SDK1: variants seen among roughly 807,000 people sequenced by gnomAD.
SDK1 encodes the protein sidekick cell adhesion molecule 1.
In SDK1, 157 loss-of-function variants were observed where a neutral mutation model predicts 245.5. The observed-to-expected ratio is 0.64, with a 90% CI of 0.56 to 0.73. SDK1 has a LOEUF of 0.73. Among genes scored for constraint, SDK1 ranks in the 30% least tolerant of loss-of-function variants. The probability of loss-of-function intolerance (pLI) is 0.00; values close to 1 mark genes in which losing one functional copy is unlikely to be tolerated. For synonymous variants in SDK1, 1,647 were observed against 1,278.5 expected (o/e 1.29, Z -6.15); for missense variants, 3,583 against 3,002.3 (o/e 1.19, Z -4.52).
At chr7:3,987,068 T>A in intron 13 of SDK1, 118 bp from the exon 14 acceptor site, 1 of 976,988 alleles carries the variant, frequency 1.0e-6, no homozygotes, top group South Asian at 1.6e-5. Flanking sequence ...TGGGCATATT[T>A]TATGTTATTC....
chr7:4,260,776 G>A (rs976241709), intron 44 of SDK1, among the ~76,000 whole-genome samples: 1 of 149,586 alleles, frequency 6.7e-6, no homozygotes, highest in Admixed American at 6.7e-5. Context: ...GGGTCTCTGT[G>A]TGTGTGGGAA....
chr7:4,060,707 G>A (rs1236607926), intron 19 of SDK1, among the ~76,000 whole-genome samples: 2 of 152,048 alleles, frequency 1.3e-5, no homozygotes, highest in South Asian at 2.1e-4. Context: ...TAGACATGAA[G>A]TCCTTGCCCA....
At chr7:3,440,588 A>T (rs143682582) in intron 1 of SDK1, among the ~76,000 whole-genome samples, 1 of 152,174 alleles carries the variant, frequency 6.6e-6, no homozygotes, top group Admixed American at 6.5e-5. Flanking sequence ...AATAATGACC[A>T]CAAAGTATAG....
At chr7:3,878,059 C>A (rs1246997325) in intron 5 of SDK1, among the ~76,000 whole-genome samples, 1 of 152,216 alleles carries the variant, frequency 6.6e-6, no homozygotes, top group Admixed American at 6.5e-5. Context: ...GTTGTACATA[C>A]TCCCATTAAA....
rs569667360 is a variant in SDK1, at chr7:3,319,015, G to A, written c.298+17131G>A. Reference sequence around the variant, plus strand: ...GTGTGGGCCTATCTGGGGGTGGCCTGAGGAAGGACATTCATGAGGGGGGAG... The same window carrying A: ...GTGTGGGCCTATCTGGGGGTGGCCTAAGGAAGGACATTCATGAGGGGGGAG... On this transcript the variant is annotated intron_variant, in intron 1 of 44. Coordinates refer to ENST00000404826, the MANE Select transcript of SDK1 (RefSeq NM_152744.4). Among the ~76,000 whole-genome samples, 43 of 152,066 alleles carry A rather than the reference G, an allele frequency of 2.8e-4. No individual in the cohort carries two copies. The South Asian group carries it at 9.0e-3, about 32-fold the overall frequency.
chr7:3,849,707 A>C (rs1352391602), intron 5 of SDK1, among the ~76,000 whole-genome samples: 2 of 152,168 alleles, frequency 1.3e-5, no homozygotes, highest in East Asian at 3.9e-4. Context: ...AATAGATTGG[A>C]ATGTTGCTGA....
intron 1 of SDK1, among the ~76,000 whole-genome samples, chr7:3,525,811 A>T (rs550231248): frequency 1.3e-5 from 2 of 152,240 alleles, no homozygotes; most frequent in Non-Finnish European, 2.9e-5. Flanking sequence ...GAGAAATAAA[A>T]AAATATCAAT....
At chr7:3,381,344 A>G (rs971614200) in intron 1 of SDK1, among the ~76,000 whole-genome samples, 43 of 152,144 alleles carry the variant, frequency 2.8e-4, no homozygotes, top group African/African-American at 8.4e-4. Flanking sequence ...GAACTGAGAC[A>G]TGAACTTGAG....
chr7:4,039,101 A>G (rs1252102908), intron 17 of SDK1, among the ~76,000 whole-genome samples: 1 of 149,378 alleles, frequency 6.7e-6, no homozygotes, highest in South Asian at 2.1e-4. Context: ...GAATTGAACA[A>G]TGAGAACACA....
At chr7:3,765,313 A>G (rs1049838783) in intron 4 of SDK1, among the ~76,000 whole-genome samples, 1 of 152,220 alleles carries the variant, frequency 6.6e-6, no homozygotes, top group African/African-American at 2.4e-5. Flanking sequence ...ATTTTAAAAT[A>G]TATGCCCATG....
chr7:3,562,095 T>C (rs369253812), intron 1 of SDK1, among the ~76,000 whole-genome samples: 16 of 152,356 alleles, frequency 1.1e-4, no homozygotes, highest in Admixed American at 4.6e-4. Flanking sequence ...GCCTTGTCTC[T>C]ACAATGTGTT....
chr7:3,518,988 A>G (rs1782841029), intron 1 of SDK1, among the ~76,000 whole-genome samples: 1 of 152,100 alleles, frequency 6.6e-6, no homozygotes, highest in Non-Finnish European at 1.5e-5. Flanking sequence ...AAGTCCTGTC[A>G]TTTGAGACAA....
At chr7:4,044,102 C>A (rs576464766) in intron 17 of SDK1, among the ~76,000 whole-genome samples, 17 of 152,290 alleles carry the variant, frequency 1.1e-4, no homozygotes, top group Middle Eastern at 3.4e-3. Context: ...CATGATTTTG[C>A]GGGTCAGGAG....
intron 40 of SDK1, among the ~76,000 whole-genome samples, chr7:4,232,135 C>T (rs1353375729): frequency 6.7e-6 from 1 of 150,148 alleles, no homozygotes; most frequent in East Asian, 2.0e-4. Flanking sequence ...GAGGCACTGT[C>T]CTAAGCACTT....
chr7:4,227,495 T>G (rs1785512525), intron 40 of SDK1: 1 of 466,810 alleles, frequency 2.1e-6, no homozygotes, highest in Non-Finnish European at 4.4e-6. Context: ...GTAAAATTTC[T>G]AACCTGGATT....
At position 3,392,968 on chromosome 7, in the gene SDK1, T is replaced by A. The variant is rs544405477; in HGVS notation, c.298+91084T>A. ...TTTGAGTCCCTGTTTTAAATTTTTT[T>A]TTTTTTTTTTTTCTTTTTTGAGATG... is the stretch of plus-strand genomic sequence containing the variant. On this transcript the variant is annotated intron_variant, in intron 1 of 44. Transcript: ENST00000404826. 8.2e-5 allele frequency among the ~76,000 whole-genome samples: 11 copies of A among 134,060 alleles called. No individual in the cohort carries two copies. The South Asian group carries it at 2.5e-3, about 31-fold the overall frequency. The allele number at this position is 134,060 out of a possible 152,430, so 87.9% of individuals were successfully genotyped here. A position where few individuals can be genotyped will look rare whatever the true frequency, so the allele number is the denominator to read the frequency against.
chr7:3,982,699 G>A (rs1261569375), intron 13 of SDK1, among the ~76,000 whole-genome samples: 1 of 152,126 alleles, frequency 6.6e-6, no homozygotes, highest in Non-Finnish European at 1.5e-5. Context: ...AATTAGCCGG[G>A]CTTGGTGGCG....
At chr7:3,767,142 AGAG>A (rs1780277442) in intron 4 of SDK1, among the ~76,000 whole-genome samples, 2 of 152,154 alleles carry the variant, frequency 1.3e-5, no homozygotes, top group South Asian at 4.1e-4. Context: ...TAAGGCATCT[AGAG>A]GAGAAGGCAG....
At chr7:3,637,955 A>G (rs1159545742) in intron 2 of SDK1, among the ~76,000 whole-genome samples, 2 of 152,232 alleles carry the variant, frequency 1.3e-5, no homozygotes, top group Non-Finnish European at 2.9e-5. Context: ...GTGGAGTGAC[A>G]CAAGACATCG....
Sources: gnomAD v4.1 joint callset for allele counts (sites outside exome capture counted in the v4.1 genomes callset) on GRCh38, gnomAD v4.1.1 for gene constraint, MANE v1.5 for transcripts, NCBI Gene and HGNC (gene_info 2026-07-23, HGNC 2026-07-21) for gene names.